MAST4: variants seen among roughly 807,000 people sequenced by gnomAD.
MAST4 encodes the protein microtubule associated serine/threonine kinase family member 4.
MAST4 carries 89 observed loss-of-function variants against 162.7 expected under a neutral mutation model. That is an observed-to-expected ratio of 0.55 (90% CI 0.46 to 0.65). The LOEUF is 0.65. Ranked by LOEUF, MAST4 falls within the 30% of genes least tolerant of loss-of-function variation. MAST4 has a pLI of 0.00. For missense variants in MAST4, 3,153 were observed against 3,374.0 expected (o/e 0.93, Z 1.62); for synonymous variants, 1,479 against 1,361.1 (o/e 1.09, Z -1.91).
chr5:67,028,481 T>C (rs902938842), intron 4 of MAST4, among the ~76,000 whole-genome samples: 5 of 151,968 alleles, frequency 3.3e-5, no homozygotes, highest in African/African-American at 1.2e-4. Context: ...AGGATCTGAG[T>C]TAGAGCAAGC....
intron 5 of MAST4, among the ~76,000 whole-genome samples, chr5:67,069,533 G>C (rs923575563): frequency 6.6e-6 from 1 of 152,040 alleles, no homozygotes; most frequent in Non-Finnish European, 1.5e-5. Flanking sequence ...GGGCCCAACA[G>C]ACATAAGATG....
intron 14 of MAST4, among the ~76,000 whole-genome samples, chr5:67,123,117 G>A (rs1207173044): frequency 2.0e-5 from 3 of 152,122 alleles, no homozygotes; most frequent in African/African-American, 7.2e-5. Context: ...AATGTATCCC[G>A]CCACGGGTGG....
intron 4 of MAST4, among the ~76,000 whole-genome samples, chr5:66,916,789 T>C (rs1344075862): frequency 6.6e-6 from 1 of 152,176 alleles, no homozygotes; most frequent in Non-Finnish European, 1.5e-5. Context: ...GGATACAAAT[T>C]TATCCCATTT....
chr5:66,792,584 C>G (rs1370215744), intron 3 of MAST4: 2 of 151,946 alleles, frequency 1.3e-5, no homozygotes, highest in Non-Finnish European at 2.9e-5. Context: ...TGGTGTGATT[C>G]TTCATGCTGT....
chr5:66,985,852 G>A (rs1749421569), intron 4 of MAST4, among the ~76,000 whole-genome samples: 2 of 152,142 alleles, frequency 1.3e-5, no homozygotes, highest in Admixed American at 6.5e-5. Context: ...TCCAGCAGGT[G>A]GTATAGCAAC....
chr5:66,819,805 ACT>A (rs1402155711), intron 3 of MAST4, among the ~76,000 whole-genome samples: 5 of 133,556 alleles, frequency 3.7e-5, no homozygotes, highest in African/African-American at 1.4e-4. Flanking sequence ...ACAGGGTCTC[ACT>A]CTGTCCCCAA....
At chr5:66,749,215 C>G (rs1180168114) in intron 1 of MAST4, among the ~76,000 whole-genome samples, 1 of 152,044 alleles carries the variant, frequency 6.6e-6, no homozygotes, top group African/African-American at 2.4e-5. Flanking sequence ...TGCATCATCT[C>G]TCTGCATCCT....
At chr5:67,115,371 T>C (rs565767963) in intron 12 of MAST4, among the ~76,000 whole-genome samples, 21 of 152,242 alleles carry the variant, frequency 1.4e-4, no homozygotes, top group Non-Finnish European at 2.9e-4. Context: ...GCACAGAGAT[T>C]TTCCCATCTG....
chr5:66,780,355 C>T (rs959190973), intron 2 of MAST4, among the ~76,000 whole-genome samples: 1 of 152,200 alleles, frequency 6.6e-6, no homozygotes, highest in African/African-American at 2.4e-5. Flanking sequence ...TTCTTGGTCT[C>T]ACTGACTTCA....
chr5:67,089,137 T>C (rs942336643), intron 5 of MAST4, among the ~76,000 whole-genome samples: 1 of 152,208 alleles, frequency 6.6e-6, no homozygotes, highest in Non-Finnish European at 1.5e-5. Flanking sequence ...GATTTATTTT[T>C]CCTTTTTCCT....
intron 3 of MAST4, among the ~76,000 whole-genome samples, chr5:66,859,191 GCTT>G (rs1214145615): frequency 1.3e-5 from 2 of 152,132 alleles, no homozygotes; most frequent in East Asian, 3.9e-4. Flanking sequence ...GCAATATAAC[GCTT>G]CTTATTTTGT....
At chr5:66,678,984 GT>G in intron 1 of MAST4, among the ~76,000 whole-genome samples, 1 of 152,308 alleles carries the variant, frequency 6.6e-6, no homozygotes, top group Middle Eastern at 3.4e-3. Context: ...TAGAGACAGA[GT>G]TTTGCCATGT....
chr5:66,872,881 T>C (rs1761041064), intron 3 of MAST4, among the ~76,000 whole-genome samples: 1 of 152,222 alleles, frequency 6.6e-6, no homozygotes, highest in Non-Finnish European at 1.5e-5. Flanking sequence ...CAGCTCAGCA[T>C]GTGCTTTTGT....
chr5:67,163,319 C>T lies in MAST4; in HGVS notation c.4140C>T (p.Ala1380=). 3 of 1,613,042 alleles carry T rather than the reference C, an allele frequency of 1.9e-6. No individual in the cohort carries two copies. The highest frequency in any genetic ancestry group is 2.5e-6 in the Non-Finnish European group (3 of 1,179,870). Reference sequence around the variant, plus strand: ...GCAACATCCCACTGTCCCCGCTGGCCCGGACGCCCTCTCCAACCCCGCAAC... The same window carrying T: ...GCAACATCCCACTGTCCCCGCTGGCTCGGACGCCCTCTCCAACCCCGCAAC... ...SAGNIPLSPL[A]RTPSPTPQPT... Residue 1380 remains alanine, a synonymous_variant, in exon 29 of 29, where the codon GCC becomes GCT. Coordinates refer to ENST00000403625, the MANE Select transcript of MAST4 (RefSeq NM_001164664.2). The surrounding 1 kb of genome is among the most constrained non-coding windows in gnomAD (Gnocchi z 7.0).
At chr5:67,061,475 C>G (rs1489611113) in intron 5 of MAST4, among the ~76,000 whole-genome samples, 1 of 149,110 alleles carries the variant, frequency 6.7e-6, no homozygotes, top group African/African-American at 2.5e-5. Flanking sequence ...TCACCAGTAT[C>G]CTTTTTCAAT....
chr5:67,132,954 T>G (rs1769173306), intron 16 of MAST4, among the ~76,000 whole-genome samples: 1 of 152,152 alleles, frequency 6.6e-6, no homozygotes, highest in Non-Finnish European at 1.5e-5. Flanking sequence ...TATATACTAT[T>G]TAAACTTTTT....
intron 1 of MAST4, among the ~76,000 whole-genome samples, chr5:66,608,256 A>T (rs796292187): frequency 3.4e-5 from 5 of 146,722 alleles, no homozygotes; most frequent in Non-Finnish European, 7.4e-5. Context: ...GGATTTCACC[A>T]TGTTGGCCAG....
At chr5:66,820,351 A>C (rs1756933649) in intron 3 of MAST4, among the ~76,000 whole-genome samples, 4 of 152,224 alleles carry the variant, frequency 2.6e-5, no homozygotes, top group Admixed American at 1.3e-4. Flanking sequence ...TATACATGTT[A>C]ACATATGAGT....
intron 4 of MAST4, among the ~76,000 whole-genome samples, chr5:67,034,795 G>A (rs575252628): frequency 2.6e-5 from 4 of 152,304 alleles, no homozygotes; most frequent in South Asian, 4.1e-4. Context: ...GATGACGTCT[G>A]TGGAATTCTT....
Sources: allele counts gnomAD v4.1 joint callset (sites outside exome capture counted in the v4.1 genomes callset), GRCh38; gene constraint gnomAD v4.1.1; non-coding constraint Gnocchi (gnomAD v3.1); transcripts MANE v1.5; gene names NCBI Gene and HGNC (gene_info 2026-07-23, HGNC 2026-07-21).